Variants in RIMS2 observed in about 807,000 individuals in gnomAD.
RIMS2 encodes the protein regulating synaptic membrane exocytosis 2, also known as regulating synaptic membrane exocytosis protein 2.
Under a neutral mutation model 174.4 loss-of-function variants are expected in RIMS2, and 59 were observed. The ratio of observed to expected loss-of-function variants is 0.34; its 90% CI spans 0.27 to 0.42. The LOEUF (loss-of-function observed/expected upper bound fraction) is 0.42. RIMS2 is among the 10% of genes least tolerant of loss of function. The pLI is 1.00. For synonymous variants in RIMS2, 606 were observed against 572.5 expected (o/e 1.06, Z -0.84); for missense variants, 1,620 against 1,666.3 (o/e 0.97, Z 0.48).
chr8:104,141,481 T>A (rs2098572242), intron 19 of RIMS2, among the ~76,000 whole-genome samples: 1 of 152,212 alleles, frequency 6.6e-6, no homozygotes, highest in African/African-American at 2.4e-5. Context: ...TGCCCTTTGA[T>A]GTTGTATTTG....
intron 3 of RIMS2, chr8:103,768,747 T>G: frequency 2.6e-6 from 2 of 760,430 alleles, no homozygotes; most frequent in South Asian, 2.7e-5. Flanking sequence ...TCCACCAGTA[T>G]GTTGTAAGAA....
intron 1 of RIMS2, among the ~76,000 whole-genome samples, chr8:103,682,351 T>C (rs554870842): frequency 6.6e-6 from 1 of 152,146 alleles, no homozygotes; most frequent in African/African-American, 2.4e-5. Flanking sequence ...TGAAAGGACC[T>C]AGATACAGGA....
intron 1 of RIMS2, among the ~76,000 whole-genome samples, chr8:103,635,139 G>C (rs753470669): frequency 2.3e-4 from 35 of 152,176 alleles, no homozygotes; most frequent in Non-Finnish European, 4.3e-4. Context: ...TTGCTTGTTT[G>C]TGTGGCTTGT....
intron 9 of RIMS2, 114 bp downstream of exon 12, chr8:103,918,601 G>T: frequency 1.2e-5 from 9 of 767,194 alleles, no homozygotes; most frequent in Non-Finnish European, 2.1e-5. Context: ...TTGTTATCAA[G>T]TCTGTAAGCA....
At chr8:103,877,170 T>G (rs2099145319) in intron 3 of RIMS2, among the ~76,000 whole-genome samples, 1 of 151,438 alleles carries the variant, frequency 6.6e-6, no homozygotes, top group Non-Finnish European at 1.5e-5. Context: ...ACCAGCAGTG[T>G]AGAAGTGTTC....
intron 1 of RIMS2, among the ~76,000 whole-genome samples, chr8:103,514,041 T>TC (rs35037476): frequency 0.77 from 116,821 of 152,050 alleles, 45,054 homozygotes; most frequent in East Asian, 0.88. Context: ...TTAACTGGAT[T>TC]CCTTCTCTGA....
intron 3 of RIMS2, among the ~76,000 whole-genome samples, chr8:103,834,696 CTT>C (rs1491317972): frequency 3.8e-5 from 3 of 78,756 alleles, no homozygotes; most frequent in Non-Finnish European, 7.3e-5. Context: ...TTCTTTCTTT[CTT>C]TCTTTCTTTC....
intron 19 of RIMS2, among the ~76,000 whole-genome samples, chr8:104,100,795 G>GTT (rs1413558026): frequency 7.2e-6 from 1 of 137,974 alleles, no homozygotes; most frequent in Non-Finnish European, 1.5e-5. Context: ...TCAATTTCCT[G>GTT]TTATATATAT....
chr8:103,770,329 A>T (rs1031203813), intron 3 of RIMS2, among the ~76,000 whole-genome samples: 1 of 152,198 alleles, frequency 6.6e-6, no homozygotes, highest in Non-Finnish European at 1.5e-5. Flanking sequence ...TAATCCCAGC[A>T]CTTTGGGAGG....
intron 3 of RIMS2, among the ~76,000 whole-genome samples, chr8:103,839,858 A>C (rs558951530): frequency 6.6e-6 from 1 of 152,000 alleles, no homozygotes; most frequent in African/African-American, 2.4e-5. Flanking sequence ...TATGTAGCGC[A>C]AAACAAAAAC....
At chr8:103,630,360 C>T (rs1372568366) in intron 1 of RIMS2, among the ~76,000 whole-genome samples, 1 of 151,736 alleles carries the variant, frequency 6.6e-6, no homozygotes. Context: ...CAAAAATATC[C>T]TTCAAGAGTT....
intron 1 of RIMS2, among the ~76,000 whole-genome samples, chr8:103,549,843 T>C (rs1846872108): frequency 6.6e-6 from 1 of 152,018 alleles, no homozygotes. Flanking sequence ...AAAACAGACT[T>C]TAAACCCACA....
chr8:103,756,112 G>A (rs1371769299), intron 2 of RIMS2, among the ~76,000 whole-genome samples: 2 of 152,130 alleles, frequency 1.3e-5, no homozygotes, highest in African/African-American at 2.4e-5. Flanking sequence ...TGGGGTTTTG[G>A]TGTGGATGTC....
At chr8:103,897,157 T>C (rs2099288024) in intron 4 of RIMS2, among the ~76,000 whole-genome samples, 1 of 151,786 alleles carries the variant, frequency 6.6e-6, no homozygotes, top group South Asian at 2.1e-4. Context: ...TGTTGGCCTA[T>C]TAATTAGCCA....
intron 19 of RIMS2, among the ~76,000 whole-genome samples, chr8:104,141,855 C>T (rs1331590059): frequency 6.6e-6 from 1 of 152,132 alleles, no homozygotes; most frequent in Non-Finnish European, 1.5e-5. Flanking sequence ...CCTTGACAAC[C>T]TTATTTAATG....
chr8:104,137,261 G>T (rs988548606), intron 19 of RIMS2, among the ~76,000 whole-genome samples: 25 of 152,104 alleles, frequency 1.6e-4, no homozygotes, highest in Non-Finnish European at 1.3e-4. Flanking sequence ...AAGCCTTAGT[G>T]CCTCCATGTA....
chr8:103,919,104 C>A (rs2077131181), intron 9 of RIMS2, among the ~76,000 whole-genome samples: 1 of 151,870 alleles, frequency 6.6e-6, no homozygotes, highest in African/African-American at 2.4e-5. Flanking sequence ...TTAATTTTTT[C>A]CAATGAACTA....
intron 1 of RIMS2, among the ~76,000 whole-genome samples, chr8:103,663,037 G>T (rs2096623217): frequency 6.6e-6 from 1 of 151,990 alleles, no homozygotes; most frequent in South Asian, 2.1e-4. Context: ...GGGCATAATG[G>T]CACGTAACTG....
chr8:103,851,644 T>TACACACAC (rs10529078), intron 3 of RIMS2, among the ~76,000 whole-genome samples: 27 of 136,602 alleles, frequency 2.0e-4, no homozygotes, highest in East Asian at 9.2e-4. Flanking sequence ...GAATGCTATG[T>TACACACAC]ACACACACAC....
Sources: gnomAD v4.1 joint callset for allele counts (sites outside exome capture counted in the v4.1 genomes callset) on GRCh38, gnomAD v4.1.1 for gene constraint, MANE v1.5 for transcripts, NCBI Gene and HGNC (gene_info 2026-07-23, HGNC 2026-07-21) for gene names.